The following GALNT18 variants were observed in gnomAD, a reference collection of about 807,000 sequenced individuals.
GALNT18 encodes the protein GalNAc-transferase 18.
A neutral mutation model predicts 69.5 loss-of-function variants in GALNT18; 44 were observed. That is an observed-to-expected ratio of 0.63 (90% confidence interval 0.50 to 0.81). GALNT18 has a LOEUF of 0.81. Among genes scored for constraint, GALNT18 ranks in the 40% least tolerant of loss-of-function variants. GALNT18 has a pLI of 0.00. For synonymous variants in GALNT18, 364 were observed against 318.2 expected (o/e 1.14, Z -1.53); for missense variants, 715 against 810.0 (o/e 0.88, Z 1.42).
At chr11:11,568,058 G>A (rs1235705608) in intron 1 of GALNT18, among the ~76,000 whole-genome samples, 2 of 152,216 alleles carry the variant, frequency 1.3e-5, no homozygotes, top group African/African-American at 4.8e-5. Context: ...AGACATGAAG[G>A]ATGCCAGGTC....
intron 6 of GALNT18, among the ~76,000 whole-genome samples, chr11:11,342,855 T>C (rs1344795697): frequency 4.6e-5 from 7 of 152,202 alleles, no homozygotes; most frequent in Admixed American, 2.6e-4. Context: ...TCCATGGGGA[T>C]CATGAGTACC....
chr11:11,343,477 C>G (rs765036222), intron 6 of GALNT18, among the ~76,000 whole-genome samples: 6 of 152,208 alleles, frequency 3.9e-5, no homozygotes, highest in Non-Finnish European at 7.3e-5. Context: ...GCCAACACTT[C>G]CCCCACGATG....
In GALNT18 at chr11:11,352,072, T is replaced by A. The variant is rs1211148592; in HGVS notation, c.1093-11068A>T. On this transcript the variant is annotated intron_variant, in intron 6 of 10. Coordinates refer to ENST00000227756, the MANE Select transcript of GALNT18 (RefSeq NM_198516.3). ...ACTGAAGAAATCCCTGACATCACAT[T>A]GGCGCTGCTGACGGGCGTACTGCCC... 2.5e-6 allele frequency: 4 copies of A among 1,613,518 alleles called. No individual in the cohort carries two copies. The African/African-American group carries it at 5.4e-5, about 22-fold the overall frequency.
rs10714339 is a variant in GALNT18, at chr11:11,591,598, GC to G, written c.235+29760del. Among the ~76,000 whole-genome samples, 38,293 of 151,954 alleles carry G rather than the reference GC, an allele frequency of 0.25. 6,827 individuals are homozygous for G. Among genetic ancestry groups the G allele is most frequent in the African/African-American group, 0.5 (20,618 of 41,416 alleles). On this transcript the variant is annotated intron_variant, in intron 1 of 10. Transcript: ENST00000227756. The surrounding 1 kb of genome is among the most constrained non-coding windows in gnomAD (Gnocchi z 4.8). ...AGTCATTCTGCCCACAAGGAAAGCA[GC>G]CCCCCCAGTGAGTCCTGCTGTCATT...
rs1308904138 is a variant in GALNT18 at position 11,315,133 on chromosome 11, A to G, written c.1512+11953T>C. 1.3e-5 allele frequency among the ~76,000 whole-genome samples: 2 copies of G among 152,234 alleles called. No homozygotes were observed. The highest frequency in any genetic ancestry group is 4.8e-5 in the African/African-American group (2 of 41,470). On this transcript the variant is annotated intron_variant, in intron 9 of 10. Coordinates refer to ENST00000227756, the MANE Select transcript of GALNT18 (RefSeq NM_198516.3). The surrounding 1 kb of genome is among the most constrained non-coding windows in gnomAD (Gnocchi z 5.6). ...ATATATAAATATTATATATTAAGAC[A>G]TAAAAACAATATAACCCACAGTTAA...
intron 1 of GALNT18, among the ~76,000 whole-genome samples, chr11:11,450,102 C>T (rs545207736): frequency 3.3e-5 from 5 of 152,242 alleles, no homozygotes; most frequent in African/African-American, 1.2e-4. Flanking sequence ...TGGACAGGGT[C>T]GTCTATGCTC....
At position 11,377,692 on chromosome 11, in the gene GALNT18, AAAAAAGAAG is replaced by A. The variant is rs1466200741; in HGVS notation, c.780-322_780-314del. Among the ~76,000 whole-genome samples, 1 of 151,888 alleles carries A rather than the reference AAAAAAGAAG, an allele frequency of 6.6e-6. No homozygotes were observed. The highest frequency in any genetic ancestry group is 1.5e-5 in the Non-Finnish European group (1 of 67,980). On this transcript the variant is annotated intron_variant, in intron 4 of 10. Coordinates refer to ENST00000227756, the MANE Select transcript of GALNT18 (RefSeq NM_198516.3). The surrounding 1 kb of genome is among the most constrained non-coding windows in gnomAD (Gnocchi z 4.6). ...TTAGAAAAAAAAAAAATCAAGACTC[AAAAAAGAAG>A]AAAAAGAAGAAAGAAACAGATCTGA...
chr11:11,307,835 C>T (rs187110289), intron 9 of GALNT18, among the ~76,000 whole-genome samples: 6 of 152,326 alleles, frequency 3.9e-5, no homozygotes, highest in Admixed American at 2.6e-4. Flanking sequence ...AAACTCCATA[C>T]AGCCCTGATG....
chr11:11,375,748 T>C (rs968291224), intron 5 of GALNT18, among the ~76,000 whole-genome samples: 12 of 152,086 alleles, frequency 7.9e-5, no homozygotes, highest in African/African-American at 2.7e-4. Context: ...AAGACCCTTG[T>C]ACATAGCAGA....
Position 11,439,619 on chromosome 11 carries a change from G to A in GALNT18, c.429-6832C>T, listed in dbSNP as rs1194949691. Among the ~76,000 whole-genome samples the A allele has an allele frequency of 6.6e-6, 1 of 152,172 alleles. No individual in the cohort carries two copies. The highest frequency in any genetic ancestry group is 1.9e-4 in the East Asian group (1 of 5,188). On this transcript the variant is annotated intron_variant, in intron 2 of 10. Transcript: ENST00000227756. This position sits in a 1 kb window ranked among gnomAD's most constrained non-coding sequence, Gnocchi z 4.4. ...TAGACTATAAGCTGTACAAGGTTAGGGCCGTGTCTGCTTTGCTCATCAGGT... is the reference window on the plus strand; with the variant it reads ...TAGACTATAAGCTGTACAAGGTTAGAGCCGTGTCTGCTTTGCTCATCAGGT...
chr11:11,479,899 G>A (rs1856486069), intron 1 of GALNT18, among the ~76,000 whole-genome samples: 2 of 152,120 alleles, frequency 1.3e-5, no homozygotes, highest in African/African-American at 4.8e-5. Flanking sequence ...TCTCATCAAT[G>A]TCCCTAAACT....
In GALNT18 at chr11:11,603,681, A is replaced by G. The variant is rs1408591796; in HGVS notation, c.235+17678T>C. Among the ~76,000 whole-genome samples the G allele has an allele frequency of 2.0e-5, 3 of 152,174 alleles. No individual in the cohort carries two copies. The highest frequency in any genetic ancestry group is 4.4e-5 in the Non-Finnish European group (3 of 68,030). ...TCATTTTCTCTCCCTAAAAAGATCTATGGATTTTATTGGATCCAGTGTTAT... is the reference window on the plus strand; with the variant it reads ...TCATTTTCTCTCCCTAAAAAGATCTGTGGATTTTATTGGATCCAGTGTTAT... On this transcript the variant is annotated intron_variant, in intron 1 of 10. Transcript: ENST00000227756. This position sits in a 1 kb window ranked among gnomAD's most constrained non-coding sequence, Gnocchi z 4.5.
chr11:11,434,016 G>A (rs1434311223), intron 2 of GALNT18, among the ~76,000 whole-genome samples: 3 of 152,048 alleles, frequency 2.0e-5, no homozygotes, highest in Middle Eastern at 3.2e-3. Flanking sequence ...GGTAATTGCA[G>A]TTGCAGAAAA....
At chr11:11,325,789 T>C (rs926386202) in intron 9 of GALNT18, among the ~76,000 whole-genome samples, 1 of 152,278 alleles carries the variant, frequency 6.6e-6, no homozygotes, top group East Asian at 1.9e-4. Context: ...GTTGCCATAC[T>C]GGGTTGTGTG....
In GALNT18 at chr11:11,410,446, G is replaced by A. The variant is rs147006638; in HGVS notation, c.595+22175C>T. Among the ~76,000 whole-genome samples, 899 of 152,224 alleles carry A rather than the reference G, an allele frequency of 5.9e-3. 7 individuals are homozygous for A. Among genetic ancestry groups the A allele is most frequent in the Non-Finnish European group, 6.3e-3 (430 of 68,014 alleles). The stretch of plus-strand genomic sequence containing the variant: ...GAAGTGAGTTCAGAAGCAAACCTAG[G>A]AAAAGCCCTAACACATTTTTATGTT... On this transcript the variant is annotated intron_variant, in intron 3 of 10. Transcript: ENST00000227756.
At chr11:11,466,738 G>A (rs1328507654) in intron 1 of GALNT18, among the ~76,000 whole-genome samples, 1 of 152,198 alleles carries the variant, frequency 6.6e-6, no homozygotes, top group Non-Finnish European at 1.5e-5. Context: ...ATGAGGCCAA[G>A]GCATTTTTTC....
rs944322821 is a variant in GALNT18, at chr11:11,604,908, G to T, written c.235+16451C>A. On this transcript the variant is annotated intron_variant, in intron 1 of 10. Coordinates refer to ENST00000227756, the MANE Select transcript of GALNT18 (RefSeq NM_198516.3). The surrounding 1 kb of genome is among the most constrained non-coding windows in gnomAD (Gnocchi z 5.6). ...AATAAAATCACTGCTCTCCTCGGTT[G>T]ACCCACTGGCTATTGCTCCTGGCCG... 6.6e-6 allele frequency among the ~76,000 whole-genome samples: 1 copy of T among 152,070 alleles called. No homozygotes were observed. Among genetic ancestry groups the T allele is most frequent in the African/African-American group, 2.4e-5 (1 of 41,410 alleles).
intron 1 of GALNT18, among the ~76,000 whole-genome samples, chr11:11,452,776 T>C (rs935129012): frequency 6.6e-6 from 1 of 152,142 alleles, no homozygotes; most frequent in Non-Finnish European, 1.5e-5. Flanking sequence ...GTCTGGCATC[T>C]AGGGATGAGG....
At position 11,505,871 on chromosome 11, in the gene GALNT18, C is replaced by G. The variant is rs1259471305; in HGVS notation, c.236-56935G>C. 6.6e-6 allele frequency among the ~76,000 whole-genome samples: 1 copy of G among 152,178 alleles called. No individual in the cohort carries two copies. Among genetic ancestry groups the G allele is most frequent in the Non-Finnish European group, 1.5e-5 (1 of 68,040 alleles). On this transcript the variant is annotated intron_variant, in intron 1 of 10. Coordinates refer to ENST00000227756, the MANE Select transcript of GALNT18 (RefSeq NM_198516.3). This position sits in a 1 kb window ranked among gnomAD's most constrained non-coding sequence, Gnocchi z 4.6. Reference sequence around the variant, plus strand: ...GCCCAGGCCTTACTGATCTAATCTCCGAGTCAGAGAAGCCAGCCATCCATC... The same window carrying G: ...GCCCAGGCCTTACTGATCTAATCTCGGAGTCAGAGAAGCCAGCCATCCATC...
Sources: gnomAD v4.1 joint callset for allele counts (sites outside exome capture counted in the v4.1 genomes callset) on GRCh38, gnomAD v4.1.1 for gene constraint, Gnocchi (gnomAD v3.1) non-coding constraint, MANE v1.5 for transcripts, NCBI Gene and HGNC (gene_info 2026-07-23, HGNC 2026-07-21) for gene names.